Variants in CACNB2 observed in about 807,000 individuals in gnomAD.
The protein encoded by CACNB2 is voltage-dependent L-type calcium channel subunit beta-2.
In CACNB2, 42 loss-of-function variants were observed where a neutral mutation model predicts 73.3. The ratio of observed to expected loss-of-function variants is 0.57; its 90% CI spans 0.45 to 0.74. CACNB2 has a LOEUF of 0.74. CACNB2 is among the 30% of genes least tolerant of loss of function. The pLI is 0.00. For missense variants in CACNB2, 940 were observed against 853.0 expected (o/e 1.10, Z -1.27); for synonymous variants, 348 against 310.3 (o/e 1.12, Z -1.28).
At chr10:18,438,610 C>T (rs528479350) in intron 3 of CACNB2, among the ~76,000 whole-genome samples, 3 of 152,374 alleles carry the variant, frequency 2.0e-5, no homozygotes, top group Middle Eastern at 3.4e-3. Context: ...TCCCACACCA[C>T]ATCTTCCCAA....
At chr10:18,197,139 T>C (rs979070774) in intron 2 of CACNB2, among the ~76,000 whole-genome samples, 3 of 152,190 alleles carry the variant, frequency 2.0e-5, no homozygotes, top group African/African-American at 7.2e-5. Context: ...TTGATAGTTA[T>C]CAGATACAGA....
intron 10 of CACNB2, 47 bp from the exon 11 acceptor site, chr10:18,534,029 T>TA (rs1564665693): frequency 6.2e-7 from 1 of 1,602,362 alleles, no homozygotes; most frequent in East Asian, 2.2e-5. Flanking sequence ...CATTTTACTT[T>TA]ATCTTAAAAA....
chr10:18,455,348 G>A (rs1444834310), intron 3 of CACNB2, among the ~76,000 whole-genome samples: 1 of 152,226 alleles, frequency 6.6e-6, no homozygotes, highest in Non-Finnish European at 1.5e-5. Context: ...TAAGTTATTA[G>A]GTAGATGAGT....
intron 3 of CACNB2, among the ~76,000 whole-genome samples, chr10:18,478,457 GTC>G (rs2048551804): frequency 6.6e-6 from 1 of 152,200 alleles, no homozygotes; most frequent in Non-Finnish European, 1.5e-5. Context: ...GAATGGTGGT[GTC>G]ACCACTTGAT....
intron 2 of CACNB2, among the ~76,000 whole-genome samples, chr10:18,164,170 C>G (rs1238485350): frequency 6.6e-6 from 1 of 152,218 alleles, no homozygotes; most frequent in African/African-American, 2.4e-5. Context: ...AGGTTTTCTA[C>G]TAGATGTCAA....
intron 2 of CACNB2, among the ~76,000 whole-genome samples, chr10:18,293,135 T>G (rs1308397492): frequency 6.6e-6 from 1 of 152,224 alleles, no homozygotes; most frequent in Non-Finnish European, 1.5e-5. Context: ...GAGTACTTAA[T>G]TAAAAGAGGT....
intron 3 of CACNB2, among the ~76,000 whole-genome samples, chr10:18,442,988 A>G (rs925833482): frequency 8.4e-5 from 2 of 23,744 alleles, no homozygotes; most frequent in Non-Finnish European, 1.3e-4. Flanking sequence ...ATATATATGT[A>G]TATATATATG....
chr10:18,472,021 T>A (rs1193952949), intron 3 of CACNB2, among the ~76,000 whole-genome samples: 3 of 152,098 alleles, frequency 2.0e-5, no homozygotes, highest in Admixed American at 6.6e-5. Context: ...TCTCCCTTTT[T>A]CATTACAGTC....
rs139773724 is a variant in CACNB2, at chr10:18,446,689, A to C, written c.333+44646A>C. 7.2e-3 allele frequency among the ~76,000 whole-genome samples: 1,100 copies of C among 152,280 alleles called. 12 individuals carry two copies. The highest frequency in any genetic ancestry group is 0.025 in the African/African-American group (1,048 of 41,564). On this transcript the variant is annotated intron_variant, in intron 3 of 13. Transcript: ENST00000324631. ...CTCTGTAAGACTTCTCAGAGCCTAT[A>C]ATATGCTAACATGCGCTGTGACACT...
intron 3 of CACNB2, among the ~76,000 whole-genome samples, chr10:18,460,562 A>C (rs2047517219): frequency 6.6e-6 from 1 of 152,048 alleles, no homozygotes; most frequent in Non-Finnish European, 1.5e-5. Context: ...CGGCAGGTTA[A>C]AAAGTCTTTG....
intron 3 of CACNB2, among the ~76,000 whole-genome samples, chr10:18,452,003 A>G (rs1340601083): frequency 2.0e-5 from 3 of 152,182 alleles, no homozygotes; most frequent in Non-Finnish European, 4.4e-5. Context: ...ATCTGGCTGT[A>G]TTCCCCTTGC....
intron 3 of CACNB2, among the ~76,000 whole-genome samples, chr10:18,482,997 C>G (rs1376431520): frequency 1.3e-5 from 2 of 152,106 alleles, no homozygotes; most frequent in South Asian, 2.1e-4. Context: ...CTCTTTGGAC[C>G]TTGTTTCGGC....
chr10:18,223,255 T>A (rs1044070151), intron 2 of CACNB2, among the ~76,000 whole-genome samples: 1 of 152,210 alleles, frequency 6.6e-6, no homozygotes, highest in African/African-American at 2.4e-5. Flanking sequence ...ATCCAACACC[T>A]TCTATATATG....
chr10:18,380,689 A>T (rs764479394), intron 2 of CACNB2, among the ~76,000 whole-genome samples: 8 of 152,028 alleles, frequency 5.3e-5, no homozygotes, highest in Admixed American at 2.0e-4. Context: ...TCCTGAGCTC[A>T]GGTGATCTGC....
intron 2 of CACNB2, among the ~76,000 whole-genome samples, chr10:18,159,616 G>T (rs751644432): frequency 6.6e-6 from 1 of 152,146 alleles, no homozygotes; most frequent in Non-Finnish European, 1.5e-5. Context: ...CCTTGTTCTT[G>T]GTGCTGCATT....
At chr10:18,314,881 A>G (rs2040101480) in intron 2 of CACNB2, among the ~76,000 whole-genome samples, 1 of 152,206 alleles carries the variant, frequency 6.6e-6, no homozygotes, top group African/African-American at 2.4e-5. Flanking sequence ...CTTACACTAA[A>G]AACTTACTAA....
In CACNB2 at chr10:18,540,284, A is replaced by C. The variant is rs1487366540; in HGVS notation, c.*560A>C. On this transcript the variant is annotated 3_prime_UTR_variant, in exon 14 of 14. Coordinates refer to ENST00000324631, the MANE Select transcript of CACNB2 (RefSeq NM_201596.3). ...TACTAGTACTGTGTACTGTATAGACAGTTTGTAAATGTTATTTCTGCAAAC... is the reference window on the plus strand; with the variant it reads ...TACTAGTACTGTGTACTGTATAGACCGTTTGTAAATGTTATTTCTGCAAAC... 1 of 147,168 alleles carries C rather than the reference A, an allele frequency of 6.8e-6. No individual in the cohort carries two copies. Among genetic ancestry groups the C allele is most frequent in the East Asian group, 2.0e-4 (1 of 4,994 alleles). The allele number at this position is 147,168 out of a possible 1,614,324, so 9.1% of individuals were successfully genotyped here. A position where few individuals can be genotyped will look rare whatever the true frequency, so the allele number is the denominator to read the frequency against.
intron 2 of CACNB2, among the ~76,000 whole-genome samples, chr10:18,241,658 CA>C (rs2036656565): frequency 6.6e-6 from 1 of 151,402 alleles, no homozygotes; most frequent in African/African-American, 2.4e-5. Context: ...ACCATGAATA[CA>C]AAAATGAGAC....
intron 3 of CACNB2, among the ~76,000 whole-genome samples, chr10:18,427,295 A>G (rs559413381): frequency 6.6e-6 from 1 of 151,936 alleles, no homozygotes; most frequent in Non-Finnish European, 1.5e-5. Flanking sequence ...TCTACATGGA[A>G]CTGTTTACTT....
Sources: allele counts gnomAD v4.1 joint callset (sites outside exome capture counted in the v4.1 genomes callset), GRCh38; gene constraint gnomAD v4.1.1; transcripts MANE v1.5; gene names NCBI Gene and HGNC (gene_info 2026-07-23, HGNC 2026-07-21).